PCCA: variants seen among roughly 807,000 people sequenced by gnomAD.
PCCA encodes propionyl-CoA carboxylase alpha chain, mitochondrial.
PCCA carries 74 observed loss-of-function variants against 101.3 expected under a neutral mutation model. The ratio of observed to expected loss-of-function variants is 0.73; its 90% CI spans 0.61 to 0.89. PCCA has a LOEUF of 0.89. PCCA is among the 40% of genes least tolerant of loss of function. PCCA has a pLI of 0.00. For synonymous variants in PCCA, 294 were observed against 313.6 expected (o/e 0.94, Z 0.66); for missense variants, 891 against 907.0 (o/e 0.98, Z 0.23).
intron 16 of PCCA, among the ~76,000 whole-genome samples, chr13:100,325,113 T>A (rs901820463): frequency 6.6e-6 from 1 of 152,096 alleles, no homozygotes; most frequent in African/African-American, 2.4e-5. Context: ...TAAAAAAAAA[T>A]AAAATGAAAT....
chr13:100,273,241 T>C lies in PCCA; in HGVS notation c.960T>C (p.Ala320=), dbSNP rs1450701722. 2 of 1,612,208 alleles carry C rather than the reference T, an allele frequency of 1.2e-6. No individual in the cohort carries two copies. The highest frequency in any genetic ancestry group is 2.7e-5 in the African/African-American group (2 of 74,906). Residue 320 remains alanine, a synonymous_variant, in exon 12 of 24, where the codon GCT becomes GCC. Transcript: ENST00000376285. ...CTCGAAGAGCGATGGGAGAACAAGC[T>C]GTAGCTCTTGCCAGAGCAGTAAAAT... The part of the protein sequence containing the change: ...AETRRAMGEQ[A]VALARAVKYS...
chr13:100,228,137 C>A (rs1488929084), intron 7 of PCCA, among the ~76,000 whole-genome samples: 1 of 151,952 alleles, frequency 6.6e-6, no homozygotes, highest in Non-Finnish European at 1.5e-5. Flanking sequence ...TGCCTCAGCC[C>A]CCGGAGTAGC....
intron 7 of PCCA, among the ~76,000 whole-genome samples, chr13:100,216,454 G>A (rs1259211211): frequency 1.3e-5 from 2 of 152,236 alleles, no homozygotes; most frequent in African/African-American, 4.8e-5. Context: ...CCTACACGGA[G>A]CGTAAGCTTC....
At chr13:100,177,566 A>T (rs755520976) in intron 6 of PCCA, among the ~76,000 whole-genome samples, 2 of 152,212 alleles carry the variant, frequency 1.3e-5, no homozygotes, top group African/African-American at 2.4e-5. Context: ...TTATTCTGTT[A>T]TACACATTCA....
intron 18 of PCCA, among the ~76,000 whole-genome samples, chr13:100,344,661 G>A (rs971079645): frequency 1.3e-5 from 2 of 152,262 alleles, no homozygotes; most frequent in African/African-American, 2.4e-5. Context: ...TTAAATAAAC[G>A]TGGAAAATCC....
chr13:100,430,957 G>A (rs918429967), intron 20 of PCCA, among the ~76,000 whole-genome samples: 14 of 152,202 alleles, frequency 9.2e-5, no homozygotes, highest in Admixed American at 5.9e-4. Context: ...AATAAAGTAC[G>A]TACTAGTGTT....
intron 7 of PCCA, among the ~76,000 whole-genome samples, chr13:100,226,384 C>G (rs1054892305): frequency 2.6e-5 from 4 of 152,098 alleles, no homozygotes; most frequent in African/African-American, 7.2e-5. Context: ...TAGCAGGATT[C>G]TCATCCACAG....
At chr13:100,227,532 T>C (rs2060213149) in intron 7 of PCCA, among the ~76,000 whole-genome samples, 2 of 152,218 alleles carry the variant, frequency 1.3e-5, no homozygotes, top group Non-Finnish European at 2.9e-5. Flanking sequence ...GTGAGTTGTT[T>C]TGTAATAGAG....
chr13:100,121,306 C>T (rs1445433995), intron 4 of PCCA, among the ~76,000 whole-genome samples: 4 of 151,254 alleles, frequency 2.6e-5, no homozygotes, highest in African/African-American at 4.9e-5. Flanking sequence ...TACAGGCATG[C>T]GCCACCACGC....
chr13:100,426,134 C>T (rs971183885), intron 20 of PCCA, among the ~76,000 whole-genome samples: 1 of 152,044 alleles, frequency 6.6e-6, no homozygotes, highest in Non-Finnish European at 1.5e-5. Context: ...TTCAGGTTGA[C>T]TTTCCACAGC....
rs879253803 is a variant in PCCA, at chr13:100,425,632, G to C, written c.1747-1G>C. 6.2e-7 allele frequency: 1 copy of C among 1,608,106 alleles called. No individual in the cohort carries two copies. Among genetic ancestry groups the C allele is most frequent in the South Asian group, 1.1e-5 (1 of 90,920 alleles). ...AATGGTCTTATTTGGTGTCACAACA[G>C]GTGGAAGTTGATGGGTCGAAACTAA... On this transcript the variant is annotated splice_acceptor_variant, in intron 19 of 23. Transcript: ENST00000376285. LOFTEE classifies it high-confidence loss of function.
intron 7 of PCCA, among the ~76,000 whole-genome samples, chr13:100,218,415 C>T (rs4772274): frequency 0.32 from 47,978 of 151,180 alleles, 8,452 homozygotes; most frequent in East Asian, 0.7. Flanking sequence ...CTCCTGACCT[C>T]AGGTTATCCA....
chr13:100,251,863 A>G (rs2061771493), intron 8 of PCCA, among the ~76,000 whole-genome samples: 1 of 152,226 alleles, frequency 6.6e-6, no homozygotes, highest in Non-Finnish European at 1.5e-5. Flanking sequence ...GTGAATAATC[A>G]GGTATATTCA....
intron 19 of PCCA, among the ~76,000 whole-genome samples, chr13:100,370,814 G>A (rs1285395738): frequency 6.6e-6 from 1 of 152,022 alleles, no homozygotes; most frequent in African/African-American, 2.4e-5. Flanking sequence ...GGTCATAGAC[G>A]GGAGAACTGT....
intron 20 of PCCA, among the ~76,000 whole-genome samples, chr13:100,426,414 C>T (rs1002620977): frequency 6.6e-6 from 1 of 151,650 alleles, no homozygotes; most frequent in African/African-American, 2.4e-5. Context: ...AAAATCTAGC[C>T]CCACCCATAG....
chr13:100,450,239 C>T (rs1252911327), intron 21 of PCCA, among the ~76,000 whole-genome samples: 2 of 144,302 alleles, frequency 1.4e-5, no homozygotes, highest in Admixed American at 6.7e-5. Context: ...AAAAATTAGC[C>T]GGGTTGTGGT....
chr13:100,271,844 G>T (rs2063337971), intron 11 of PCCA, among the ~76,000 whole-genome samples: 1 of 152,168 alleles, frequency 6.6e-6, no homozygotes, highest in Non-Finnish European at 1.5e-5. Flanking sequence ...AATAAAGGGT[G>T]GGCCTGGTAG....
chr13:100,358,105 T>C (rs2074141346), intron 18 of PCCA, among the ~76,000 whole-genome samples: 1 of 152,358 alleles, frequency 6.6e-6, no homozygotes, highest in African/African-American at 2.4e-5. Context: ...GGAAGGACCA[T>C]GCCTTGGGAG....
At chr13:100,305,445 C>A (rs905511379) in intron 14 of PCCA, among the ~76,000 whole-genome samples, 1 of 152,138 alleles carries the variant, frequency 6.6e-6, no homozygotes, top group African/African-American at 2.4e-5. Context: ...CATCTAAGTT[C>A]TTCCTAGCTT....
Sources: gnomAD v4.1 joint callset for allele counts (sites outside exome capture counted in the v4.1 genomes callset) on GRCh38, gnomAD v4.1.1 for gene constraint, MANE v1.5 for transcripts, NCBI Gene and HGNC (gene_info 2026-07-23, HGNC 2026-07-21) for gene names.